Variants in RAPGEF4 observed in about 807,000 individuals in gnomAD.
The protein encoded by RAPGEF4 is RAP guanine-nucleotide-exchange factor (GEF) 4.
A neutral mutation model predicts 147.9 loss-of-function variants in RAPGEF4; 66 were observed. The observed-to-expected ratio is 0.45, with a 90% CI of 0.37 to 0.55. The LOEUF is 0.55. RAPGEF4 is among the 20% of genes least tolerant of loss of function. The pLI is 0.00. For missense variants in RAPGEF4, 1,071 were observed against 1,257.3 expected, an observed-to-expected ratio of 0.85 and a Z score of 2.24; for synonymous variants, 419 against 442.7, an observed-to-expected ratio of 0.95 and a Z score of 0.67.
intron 8 of RAPGEF4, 112 bp downstream of exon 8, chr2:172,961,340 C>T (rs955079279): frequency 1.6e-5 from 13 of 799,052 alleles, no homozygotes; most frequent in South Asian, 1.6e-4. Flanking sequence ...TTTGTAATGC[C>T]TTCAGGTTCT....
At chr2:172,945,693 C>G (rs574605165) in intron 6 of RAPGEF4, among the ~76,000 whole-genome samples, 2 of 152,006 alleles carry the variant, frequency 1.3e-5, no homozygotes, top group Non-Finnish European at 2.9e-5. Context: ...AAATAATGGC[C>G]TAAGGCAGTT....
chr2:172,765,827 G>C (rs1251277205), intron 1 of RAPGEF4, among the ~76,000 whole-genome samples: 1 of 152,258 alleles, frequency 6.6e-6, no homozygotes, highest in Admixed American at 6.5e-5. Context: ...GGGAGGCCCA[G>C]CTGAACGGGC....
intron 3 of RAPGEF4, among the ~76,000 whole-genome samples, chr2:172,803,033 C>T (rs1316948659): frequency 6.6e-6 from 1 of 152,158 alleles, no homozygotes; most frequent in African/African-American, 2.4e-5. Flanking sequence ...AGAGTATAGC[C>T]TCCCTTCTGG....
chr2:173,030,358 A>C, intron 26 of RAPGEF4, 104 bp downstream of exon 26: 3 of 899,928 alleles, frequency 3.3e-6, no homozygotes, highest in Non-Finnish European at 5.3e-6. Context: ...TAGTATAACA[A>C]TGGGAAAGGT....
intron 23 of RAPGEF4, among the ~76,000 whole-genome samples, chr2:173,022,191 G>T (rs779174222): frequency 6.6e-6 from 1 of 152,194 alleles, no homozygotes; most frequent in African/African-American, 2.4e-5. Flanking sequence ...GTTCTTGGCC[G>T]CAGTGCCAAA....
chr2:172,875,389 T>C (rs1695789358), intron 4 of RAPGEF4, among the ~76,000 whole-genome samples: 2 of 152,180 alleles, frequency 1.3e-5, no homozygotes, highest in Non-Finnish European at 2.9e-5. Context: ...AGGTCTAACA[T>C]TTAAGTCTTT....
intron 1 of RAPGEF4, among the ~76,000 whole-genome samples, chr2:172,746,769 T>G (rs1694813426): frequency 6.6e-6 from 1 of 152,018 alleles, no homozygotes; most frequent in Non-Finnish European, 1.5e-5. Flanking sequence ...TCTGCCACCA[T>G]GCCTGGCTAA....
Position 172,985,459 on chromosome 2 carries a change from C to A in RAPGEF4, c.1116C>A (p.Leu372=). ...TGAAACGAGAGTTAGCAGGTGTTCTCATTTTTGAGTCTCACGCCAAAGGAG... is the reference window on the plus strand; with the variant it reads ...TGAAACGAGAGTTAGCAGGTGTTCTAATTTTTGAGTCTCACGCCAAAGGAG... ...TTVKRELAGV[L]IFESHAKGGT... The change falls in exon 12 of 31, where the codon CTC becomes CTA. Residue 372 remains leucine, a synonymous_variant. Coordinates refer to ENST00000397081, the MANE Select transcript of RAPGEF4 (RefSeq NM_007023.4). 6.2e-7 allele frequency: 1 copy of A among 1,613,890 alleles called. No homozygotes were observed. Among genetic ancestry groups the A allele is most frequent in the South Asian group, 1.1e-5 (1 of 91,036 alleles).
intron 17 of RAPGEF4, among the ~76,000 whole-genome samples, chr2:173,007,736 A>G (rs1694623654): frequency 6.6e-6 from 1 of 152,216 alleles, no homozygotes; most frequent in Admixed American, 6.5e-5. Context: ...GTAATTTCAG[A>G]ACTTGCATTT....
chr2:172,950,868 A>G (rs1688143525), intron 6 of RAPGEF4, among the ~76,000 whole-genome samples: 1 of 152,248 alleles, frequency 6.6e-6, no homozygotes, highest in Admixed American at 6.5e-5. Context: ...ATCTTTAGAA[A>G]TGCTCACATG....
intron 4 of RAPGEF4, among the ~76,000 whole-genome samples, chr2:172,835,821 A>G (rs1690861945): frequency 6.6e-6 from 1 of 152,200 alleles, no homozygotes; most frequent in South Asian, 2.1e-4. Flanking sequence ...TACATTTCCA[A>G]TTCAGAAATC....
At chr2:172,836,552 G>A (rs1029704946) in intron 4 of RAPGEF4, among the ~76,000 whole-genome samples, 3 of 152,220 alleles carry the variant, frequency 2.0e-5, no homozygotes, top group Non-Finnish European at 4.4e-5. Flanking sequence ...GTCCTGAGGT[G>A]TGGCGTCCTT....
At chr2:173,012,545 T>G (rs1695124935) in intron 17 of RAPGEF4, among the ~76,000 whole-genome samples, 1 of 152,242 alleles carries the variant, frequency 6.6e-6, no homozygotes, top group African/African-American at 2.4e-5. Context: ...AACGTAGCAT[T>G]GTATTTTCAT....
At chr2:172,741,221 A>T (rs1055345740) in intron 1 of RAPGEF4, among the ~76,000 whole-genome samples, 1 of 152,268 alleles carries the variant, frequency 6.6e-6, no homozygotes, top group Non-Finnish European at 1.5e-5. Flanking sequence ...ACTCTGTAAT[A>T]ACATAGCACA....
At chr2:173,028,938 G>T (rs1234602438) in intron 25 of RAPGEF4, among the ~76,000 whole-genome samples, 1 of 152,184 alleles carries the variant, frequency 6.6e-6, no homozygotes, top group African/African-American at 2.4e-5. Flanking sequence ...CTTACATAGG[G>T]TAATAAAGTT....
intron 29 of RAPGEF4, among the ~76,000 whole-genome samples, chr2:173,045,214 G>A (rs950281190): frequency 1.3e-5 from 2 of 152,216 alleles, no homozygotes; most frequent in Admixed American, 6.5e-5. Flanking sequence ...TCAACTGTAC[G>A]TGCACAGAGC....
chr2:172,897,027 G>A (rs1159122965), intron 4 of RAPGEF4, among the ~76,000 whole-genome samples: 1 of 152,136 alleles, frequency 6.6e-6, no homozygotes, highest in African/African-American at 2.4e-5. Flanking sequence ...TGCTTCACCA[G>A]AAGCTGCCCA....
chr2:172,834,831 T>C (rs1477663409), intron 4 of RAPGEF4, among the ~76,000 whole-genome samples: 1 of 152,336 alleles, frequency 6.6e-6, no homozygotes, highest in African/African-American at 2.4e-5. Flanking sequence ...ATCGAAATAG[T>C]CTTGAAAGAA....
At chr2:172,985,137 C>G (rs561108803) in intron 11 of RAPGEF4, among the ~76,000 whole-genome samples, 1 of 152,328 alleles carries the variant, frequency 6.6e-6, no homozygotes, top group East Asian at 1.9e-4. Flanking sequence ...CAGCCAAAGA[C>G]AGGCAGGCAA....
Sources: allele counts gnomAD v4.1 joint callset (sites outside exome capture counted in the v4.1 genomes callset), GRCh38; gene constraint gnomAD v4.1.1; transcripts MANE v1.5; gene names NCBI Gene and HGNC (gene_info 2026-07-23, HGNC 2026-07-21).